The following SLC30A7 variants were observed in gnomAD, a reference collection of about 807,000 sequenced individuals.
SLC30A7 encodes the protein solute carrier family 30 member 7, also known as zinc transporter 7.
In SLC30A7, 35 loss-of-function variants were observed where a neutral mutation model predicts 46.0. That is an observed-to-expected ratio of 0.76 (90% CI 0.58 to 1.01). The LOEUF is 1.01. Ranked by LOEUF, SLC30A7 falls within the 50% of genes least tolerant of loss-of-function variation. The probability of loss-of-function intolerance (pLI) is 0.00; values close to 1 mark genes in which losing one functional copy is unlikely to be tolerated. For synonymous variants in SLC30A7, 147 were observed against 157.8 expected, an observed-to-expected ratio of 0.93 and a Z score of 0.51; for missense variants, 464 against 451.1, an observed-to-expected ratio of 1.03 and a Z score of -0.26.
chr1:100,928,182 G>A (rs1653430358), intron 8 of SLC30A7, among the ~76,000 whole-genome samples: 2 of 152,190 alleles, frequency 1.3e-5, no homozygotes, highest in African/African-American at 4.8e-5. Flanking sequence ...GGTAGAGGGT[G>A]TAATGATCTA....
At chr1:100,896,522 G>C in intron 1 of SLC30A7, 48 bp from the exon 2 acceptor site, 2 of 1,562,392 alleles carry the variant, frequency 1.3e-6, no homozygotes, top group Non-Finnish European at 1.8e-6. Flanking sequence ...TCGGGGTCCC[G>C]GCACCTCCTT....
intron 7 of SLC30A7, among the ~76,000 whole-genome samples, chr1:100,919,267 A>G (rs777473534): frequency 1.1e-4 from 17 of 152,140 alleles, no homozygotes; most frequent in Non-Finnish European, 1.9e-4. Context: ...TTATTAATCA[A>G]TCTCTGGCTC....
chr1:100,984,710 C>T (rs746250485), downstream of SLC30A7, among the ~76,000 whole-genome samples: 5 of 152,176 alleles, frequency 3.3e-5, no homozygotes, highest in African/African-American at 7.2e-5. Flanking sequence ...GAACAAGACC[C>T]AGCAACTCAC....
chr1:100,909,134 G>A (rs1420521618), intron 3 of SLC30A7, among the ~76,000 whole-genome samples: 1 of 151,752 alleles, frequency 6.6e-6, no homozygotes, highest in African/African-American at 2.4e-5. Flanking sequence ...TGAATAATTG[G>A]TATAGTAATA....
At chr1:100,973,137 C>T (rs946695901) in intron 10 of SLC30A7, among the ~76,000 whole-genome samples, 5 of 151,978 alleles carry the variant, frequency 3.3e-5, no homozygotes, top group Non-Finnish European at 7.4e-5. Context: ...CTAGAGCCTG[C>T]AAGCCTTTTA....
intron 8 of SLC30A7, chr1:100,941,795 T>C (rs1654366443): frequency 6.7e-6 from 4 of 593,164 alleles, no homozygotes; most frequent in Non-Finnish European, 1.3e-5. Flanking sequence ...CCAAAGCCCC[T>C]GGAGTGGCAT....
At chr1:100,910,436 G>C (rs1333221699) in intron 3 of SLC30A7, among the ~76,000 whole-genome samples, 1 of 152,064 alleles carries the variant, frequency 6.6e-6, no homozygotes, top group Non-Finnish European at 1.5e-5. Flanking sequence ...AGTTTAATTA[G>C]AATTATGTGA....
At chr1:100,939,377 C>A (rs1161280025) in intron 8 of SLC30A7, among the ~76,000 whole-genome samples, 1 of 151,910 alleles carries the variant, frequency 6.6e-6, no homozygotes, top group Non-Finnish European at 1.5e-5. Context: ...TATATATAAA[C>A]AAATTCCAAC....
At chr1:100,971,024 C>G (rs1316219890) in intron 10 of SLC30A7, among the ~76,000 whole-genome samples, 1 of 152,094 alleles carries the variant, frequency 6.6e-6, no homozygotes, top group East Asian at 1.9e-4. Context: ...TTTTGCCTTT[C>G]TCACTTGTGC....
intron 2 of SLC30A7, among the ~76,000 whole-genome samples, chr1:100,901,603 C>T (rs996957811): frequency 2.6e-5 from 4 of 151,960 alleles, no homozygotes; most frequent in African/African-American, 9.7e-5. Context: ...TACAGCCACG[C>T]CTGGCTAATT....
chr1:100,966,313 G>A (rs1570592499), intron 10 of SLC30A7, among the ~76,000 whole-genome samples: 1 of 152,016 alleles, frequency 6.6e-6, no homozygotes, highest in South Asian at 2.1e-4. Flanking sequence ...GCTGGGTGCG[G>A]TGGCTCACAC....
chr1:100,935,257 T>G (rs187403085), intron 8 of SLC30A7, among the ~76,000 whole-genome samples: 120 of 152,366 alleles, frequency 7.9e-4, no homozygotes, highest in African/African-American at 2.7e-3. Context: ...GTTACACAAA[T>G]GACAACCGTC....
the SLC30A7 span, among the ~76,000 whole-genome samples, chr1:100,990,801 TC>T: frequency 6.6e-6 from 1 of 152,224 alleles, no homozygotes; most frequent in African/African-American, 2.4e-5. Context: ...ATTTTCTAAA[TC>T]ATTTGTATTA....
At chr1:100,929,626 G>A (rs924910781) in intron 8 of SLC30A7, among the ~76,000 whole-genome samples, 5 of 151,936 alleles carry the variant, frequency 3.3e-5, no homozygotes, top group African/African-American at 9.7e-5. Context: ...AGTTGAAAAC[G>A]TGCCATGGAA....
intron 8 of SLC30A7, among the ~76,000 whole-genome samples, chr1:100,954,053 G>A (rs188800433): frequency 6.6e-6 from 1 of 152,306 alleles, no homozygotes; most frequent in African/African-American, 2.4e-5. Flanking sequence ...ACAAGGGCTG[G>A]TTTAGATGTC....
Position 100,980,544 on chromosome 1 carries a change from T to C in SLC30A7, c.*5687T>C, listed in dbSNP as rs527688175. 3.9e-5 allele frequency: 6 copies of C among 152,200 alleles called. No individual in the cohort carries two copies. The highest frequency in any genetic ancestry group is 5.9e-5 in the Non-Finnish European group (4 of 67,942). The allele number at this position is 152,200 out of a possible 1,614,324, so 9.4% of individuals were successfully genotyped here. A position where few individuals can be genotyped will look rare whatever the true frequency, so the allele number is the denominator to read the frequency against. ...GTTAACTAGTGAACATTTTAGATAG[T>C]TGTGTCAAAAATAAGGGTTAGGGAT... is the stretch of plus-strand genomic sequence containing the variant. On this transcript the variant is annotated 3_prime_UTR_variant, in exon 11 of 11. Transcript: ENST00000357650.
chr1:100,900,241 C>A (rs1262680559), intron 2 of SLC30A7, among the ~76,000 whole-genome samples: 1 of 152,142 alleles, frequency 6.6e-6, no homozygotes, highest in Non-Finnish European at 1.5e-5. Flanking sequence ...AGTAGTATTT[C>A]TTACCAAAGC....
downstream of SLC30A7, among the ~76,000 whole-genome samples, chr1:100,986,090 G>A (rs1657250417): frequency 6.6e-6 from 1 of 152,150 alleles, no homozygotes; most frequent in African/African-American, 2.4e-5. Context: ...TTAGGTATTG[G>A]GAAATACAAA....
intron 8 of SLC30A7, chr1:100,941,938 A>G (rs904177265): frequency 1.4e-5 from 4 of 293,372 alleles, no homozygotes; most frequent in African/African-American, 4.4e-5. Flanking sequence ...CAACCCTCCA[A>G]TGAAAATGAA....
Sources: gnomAD v4.1 joint callset for allele counts (sites outside exome capture counted in the v4.1 genomes callset) on GRCh38, gnomAD v4.1.1 for gene constraint, MANE v1.5 for transcripts, NCBI Gene and HGNC (gene_info 2026-07-23, HGNC 2026-07-21) for gene names.